TMEM67: variants seen among roughly 807,000 people sequenced by gnomAD.
The protein encoded by TMEM67 is transmembrane protein 67, also known as meckelin.
TMEM67 carries 124 observed loss-of-function variants against 136.6 expected under a neutral mutation model. The ratio of observed to expected loss-of-function variants is 0.91; its 90% CI spans 0.78 to 1.05. The LOEUF (loss-of-function observed/expected upper bound fraction) is 1.05. TMEM67 is among the 50% of genes least tolerant of loss of function. The pLI is 0.00. For synonymous variants in TMEM67, 364 were observed against 390.5 expected (o/e 0.93, Z 0.80); for missense variants, 1,107 against 1,178.4 (o/e 0.94, Z 0.89).
chr8:93,762,996 C>G (rs775194404), intron 3 of TMEM67: 5 of 409,708 alleles, frequency 1.2e-5, no homozygotes, highest in South Asian at 8.7e-5. Context: ...GATCTCAGCT[C>G]ACTGCAACCT....
Position 93,772,638 on chromosome 8 carries a change from C to T in TMEM67, c.701C>T (p.Ala234Val). Residue 234 changes from alanine to valine, a missense_variant, in exon 7 of 28, where the codon GCA becomes GTA. This residue lies in a region of TMEM67 where 925 missense variants were observed against 1,002.4 expected (regional missense o/e 0.92). Coordinates refer to ENST00000453321, the MANE Select transcript of TMEM67 (RefSeq NM_153704.6). ...TTTGCAAAGTATTTGCAATCATCAGCAGCTGCATGTTGGGTAAGTTTGAAT... is the reference window on the plus strand; with the variant it reads ...TTTGCAAAGTATTTGCAATCATCAGTAGCTGCATGTTGGGTAAGTTTGAAT... ...EWFAKYLQSS[A>V]AACWVYANLT... 1 of 1,611,806 alleles carries T rather than the reference C, an allele frequency of 6.2e-7. No homozygotes were observed. The highest frequency in any genetic ancestry group is 8.5e-7 in the Non-Finnish European group (1 of 1,178,618).
At chr8:93,820,646 C>T (rs1389631082), downstream of TMEM67, among the ~76,000 whole-genome samples, 2 of 152,156 alleles carry the variant, frequency 1.3e-5, no homozygotes, top group Non-Finnish European at 2.9e-5. Flanking sequence ...ATAGTACCTA[C>T]CTCAAAGACT....
chr8:93,798,340 C>T (rs766660669), intron 20 of TMEM67, among the ~76,000 whole-genome samples: 2 of 152,142 alleles, frequency 1.3e-5, no homozygotes, highest in African/African-American at 2.4e-5. Context: ...TGAAAAAGCT[C>T]CCTACCCCCG....
At position 93,765,311 on chromosome 8, in the gene TMEM67, ATCTAC is replaced by A. The variant is rs1468043938; in HGVS notation, c.507-90_507-86del. 6.4e-6 allele frequency: 6 copies of A among 943,462 alleles called. 1 individual carries two copies. The highest frequency in any genetic ancestry group is 5.9e-5 in the South Asian group (4 of 67,552). The allele number at this position is 943,462 out of a possible 1,614,324, so 58.4% of individuals were successfully genotyped here. On this transcript the variant is annotated intron_variant, in intron 4 of 27. Transcript: ENST00000453321. ...ATTTACATAATTGCTTACTGAATGA[ATCTAC>A]TCTAATCCATTGTTTAGAAAGACAG... is the stretch of plus-strand genomic sequence containing the variant.
rs1057139293 is a variant in TMEM67 at position 93,817,385 on chromosome 8, G to A, written c.*933G>A. 1 of 152,140 alleles carries A rather than the reference G, an allele frequency of 6.6e-6. No individual in the cohort carries two copies. The highest frequency in any genetic ancestry group is 6.6e-5 in the Admixed American group (1 of 15,260). The allele number at this position is 152,140 out of a possible 1,614,324, so 9.4% of individuals were successfully genotyped here. A position where few individuals can be genotyped will look rare whatever the true frequency, so the allele number is the denominator to read the frequency against. ...ATCTCTACAAAAAATACAAAAATTA[G>A]TTGGATGTGGTGGCCTGTAATCCCA... On this transcript the variant is annotated 3_prime_UTR_variant, in exon 28 of 28. Transcript: ENST00000453321.
chr8:93,827,935 G>A, the TMEM67 span, among the ~76,000 whole-genome samples: 13 of 152,216 alleles, frequency 8.5e-5, no homozygotes, highest in Admixed American at 3.9e-4. Context: ...TAAACATACT[G>A]GTACACACTT....
intron 3 of TMEM67, among the ~76,000 whole-genome samples, chr8:93,761,670 A>G (rs545188090): frequency 6.6e-6 from 1 of 152,360 alleles, no homozygotes; most frequent in South Asian, 2.1e-4. Context: ...AGGCAGTTCT[A>G]CACATAGTGC....
the TMEM67 span, among the ~76,000 whole-genome samples, chr8:93,829,476 C>G: frequency 6.6e-6 from 1 of 151,950 alleles, no homozygotes; most frequent in Non-Finnish European, 1.5e-5. Flanking sequence ...ACCTCCACTC[C>G]TGCTCACTGG....
chr8:93,768,647 C>T (rs1353111069), intron 6 of TMEM67, among the ~76,000 whole-genome samples: 1 of 152,042 alleles, frequency 6.6e-6, no homozygotes, highest in Admixed American at 6.6e-5. Flanking sequence ...CATACTGATC[C>T]CTTTAATTCT....
At chr8:93,790,170 G>T (rs1019425719) in intron 14 of TMEM67, among the ~76,000 whole-genome samples, 1 of 151,856 alleles carries the variant, frequency 6.6e-6, no homozygotes, top group African/African-American at 2.4e-5. Context: ...TTAATTTCTC[G>T]TGGCAGCTGT....
chr8:93,761,001 C>T (rs1812802775), intron 3 of TMEM67, among the ~76,000 whole-genome samples: 1 of 151,938 alleles, frequency 6.6e-6, no homozygotes, highest in South Asian at 2.1e-4. Flanking sequence ...TATTTTTAAC[C>T]TACCAGATTT....
intron 7 of TMEM67, among the ~76,000 whole-genome samples, chr8:93,776,670 G>A (rs1239483019): frequency 6.6e-6 from 1 of 152,164 alleles, no homozygotes; most frequent in African/African-American, 2.4e-5. Flanking sequence ...ATTTGCATGT[G>A]TTGAACCAGC....
At chr8:93,793,400 T>A (rs930115060) in intron 16 of TMEM67, 104 bp downstream of exon 16, 4 of 961,196 alleles carry the variant, frequency 4.2e-6, no homozygotes, top group Non-Finnish European at 4.9e-6. Context: ...GCATTGAATT[T>A]TTCTGGGATA....
intron 11 of TMEM67, among the ~76,000 whole-genome samples, chr8:93,783,095 C>T (rs1052613658): frequency 1.3e-5 from 2 of 152,114 alleles, no homozygotes; most frequent in African/African-American, 4.8e-5. Context: ...AAGCAATTCT[C>T]GTGCCTCAAC....
upstream of TMEM67, chr8:93,754,876 T>C (rs1183812884): frequency 6.3e-7 from 1 of 1,587,020 alleles, no homozygotes; most frequent in East Asian, 2.2e-5. Flanking sequence ...CAGAGGCTGA[T>C]GGGGGGCTGG....
the TMEM67 span, among the ~76,000 whole-genome samples, chr8:93,831,214 C>A: frequency 1.3e-5 from 2 of 152,178 alleles, no homozygotes; most frequent in African/African-American, 4.8e-5. Context: ...TTTCTTTGAG[C>A]CCCTTTAAGT....
intron 3 of TMEM67, 36 bp from the exon 4 acceptor site, chr8:93,763,806 T>G: frequency 3.4e-5 from 46 of 1,368,718 alleles, no homozygotes; most frequent in Non-Finnish European, 4.2e-5. Flanking sequence ...ATGTTTACTA[T>G]GAGTTACATC....
chr8:93,754,853 A>T, upstream of TMEM67: 1 of 1,522,520 alleles, frequency 6.6e-7, no homozygotes, highest in East Asian at 2.3e-5. Flanking sequence ...CAATCAGCTC[A>T]GCGAAGCCGC....
At chr8:93,775,143 C>T (rs1178309459) in intron 7 of TMEM67, among the ~76,000 whole-genome samples, 4 of 152,208 alleles carry the variant, frequency 2.6e-5, no homozygotes, top group Non-Finnish European at 5.9e-5. Flanking sequence ...CTGTTGGCTG[C>T]ATAAATGTCT....
Sources: gnomAD v4.1 joint callset for allele counts (sites outside exome capture counted in the v4.1 genomes callset) on GRCh38, gnomAD v4.1.1 for gene constraint, gnomAD v4.1.1 regional missense constraint, MANE v1.5 for transcripts, NCBI Gene and HGNC (gene_info 2026-07-23, HGNC 2026-07-21) for gene names.